The following SHROOM3 variants were observed in gnomAD, a reference collection of about 807,000 sequenced individuals.
SHROOM3 encodes protein Shroom3.
SHROOM3 carries 47 observed loss-of-function variants against 138.6 expected under a neutral mutation model. The observed-to-expected ratio is 0.34, with a 90% confidence interval of 0.27 to 0.43. SHROOM3 has a LOEUF of 0.43. Among genes scored for constraint, SHROOM3 ranks in the 20% least tolerant of loss-of-function variants. SHROOM3 has a pLI of 1.00. For missense variants in SHROOM3, 2,491 were observed against 2,596.5 expected (o/e 0.96, Z 0.88); for synonymous variants, 1,062 against 1,063.3 (o/e 1.00, Z 0.02).
At chr4:76,705,403 G>A (rs762359860) in intron 2 of SHROOM3, among the ~76,000 whole-genome samples, 66 of 152,304 alleles carry the variant, frequency 4.3e-4, no homozygotes, top group Non-Finnish European at 9.0e-4. Context: ...AGGCTGAGGT[G>A]GGAGGATCAC....
At chr4:76,546,324 T>C (rs1021166106) in intron 1 of SHROOM3, among the ~76,000 whole-genome samples, 3 of 152,192 alleles carry the variant, frequency 2.0e-5, no homozygotes, top group African/African-American at 7.2e-5. Context: ...AGTATAAATG[T>C]AATGATTTAG....
chr4:76,672,519 T>C (rs886120183), intron 2 of SHROOM3, among the ~76,000 whole-genome samples: 7 of 152,102 alleles, frequency 4.6e-5, no homozygotes, highest in African/African-American at 1.7e-4. Context: ...ACTTGAAACT[T>C]AGTTACTCCC....
In SHROOM3 at chr4:76,741,074, G is replaced by T; in HGVS notation, c.2901G>T (p.Gly967=). 6 of 1,532,092 alleles carry T rather than the reference G, an allele frequency of 3.9e-6. No individual in the cohort carries two copies. Among genetic ancestry groups the T allele is most frequent in the Non-Finnish European group, 5.3e-6 (6 of 1,140,516 alleles). 94.9% of individuals were successfully genotyped at this position (1,532,092 alleles called of 1,614,324 possible). A position where few individuals can be genotyped will look rare whatever the true frequency, so the allele number is the denominator to read the frequency against. ...CACGGCCTTCCTCGGCCCACGTGGGGCTGCGGAGCCCCGAGGCGTCGGCCT... is the reference window on the plus strand; with the variant it reads ...CACGGCCTTCCTCGGCCCACGTGGGTCTGCGGAGCCCCGAGGCGTCGGCCT... The part of the protein sequence containing the change: ...WRPRPSSAHV[G]LRSPEASASA... Residue 967 remains glycine (G), a synonymous_variant, in exon 5 of 11, where the codon GGG becomes GGT. Coordinates refer to ENST00000296043, the MANE Select transcript of SHROOM3 (RefSeq NM_020859.4). The surrounding 1 kb of genome is among the most constrained non-coding windows in gnomAD (Gnocchi z 6.2).
chr4:76,472,005 G>A (rs1347219800), intron 1 of SHROOM3, among the ~76,000 whole-genome samples: 1 of 152,106 alleles, frequency 6.6e-6, no homozygotes, highest in Non-Finnish European at 1.5e-5. Context: ...GCTTCTGTTT[G>A]TAAAAATGAA....
intron 2 of SHROOM3, among the ~76,000 whole-genome samples, chr4:76,703,097 A>C (rs1719949288): frequency 6.6e-6 from 1 of 152,232 alleles, no homozygotes; most frequent in African/African-American, 2.4e-5. Context: ...GTGCAAATGG[A>C]CAGAGGTTTG....
intron 1 of SHROOM3, among the ~76,000 whole-genome samples, chr4:76,466,427 G>A (rs1731250616): frequency 6.6e-6 from 1 of 152,198 alleles, no homozygotes; most frequent in South Asian, 2.1e-4. Context: ...AGATTTTATT[G>A]TTATTACTGA....
chr4:76,667,924 G>A (rs1352595951), intron 2 of SHROOM3, among the ~76,000 whole-genome samples: 4 of 128,784 alleles, frequency 3.1e-5, no homozygotes, highest in Admixed American at 1.9e-4. Flanking sequence ...GCCAAGGTGC[G>A]CCACTGCACT....
chr4:76,483,360 A>G (rs1431262038), intron 1 of SHROOM3, among the ~76,000 whole-genome samples: 1 of 152,246 alleles, frequency 6.6e-6, no homozygotes, highest in Non-Finnish European at 1.5e-5. Flanking sequence ...ATTTCTCAAA[A>G]GAAGACATTT....
intron 2 of SHROOM3, among the ~76,000 whole-genome samples, chr4:76,640,576 T>A (rs968634539): frequency 6.6e-6 from 1 of 152,244 alleles, no homozygotes; most frequent in African/African-American, 2.4e-5. Flanking sequence ...GACTTGCTAT[T>A]GAGGGACCAT....
chr4:76,534,374 C>T (rs1267544869), intron 1 of SHROOM3, among the ~76,000 whole-genome samples: 1 of 152,120 alleles, frequency 6.6e-6, no homozygotes, highest in African/African-American at 2.4e-5. Context: ...ATGGTCACAG[C>T]CTACTATGTG....
intron 2 of SHROOM3, among the ~76,000 whole-genome samples, chr4:76,655,443 C>A (rs1048497483): frequency 6.6e-6 from 1 of 152,146 alleles, no homozygotes; most frequent in Non-Finnish European, 1.5e-5. Context: ...TCATTTCTAT[C>A]CAAAAATATT....
Position 76,659,079 on chromosome 4 carries a change from T to A in SHROOM3, c.324-51077T>A, listed in dbSNP as rs1736128420. On this transcript the variant is annotated intron_variant, in intron 2 of 10. Transcript: ENST00000296043. ...AAAATGGACCTCATTCAGATCCCAT[T>A]CTTCCTTCTCGGTTGGTCCTCTAGC... Among the ~76,000 whole-genome samples the A allele has an allele frequency of 2.0e-5, 3 of 151,910 alleles. No individual in the cohort carries two copies. In the South Asian group the frequency reaches 6.2e-4, roughly 31 times the overall value.
At chr4:76,750,471 A>G (rs1721584774) in intron 6 of SHROOM3, among the ~76,000 whole-genome samples, 2 of 152,280 alleles carry the variant, frequency 1.3e-5, no homozygotes, top group African/African-American at 4.8e-5. Context: ...TTAAGTACAC[A>G]TGGACACAAA....
intron 2 of SHROOM3, among the ~76,000 whole-genome samples, chr4:76,570,708 T>C (rs934323958): frequency 3.9e-5 from 6 of 152,162 alleles, no homozygotes. Flanking sequence ...AATTTTAGGC[T>C]CTTTCAAGAA....
chr4:76,781,931 T>G lies in SHROOM3; in HGVS notation c.*2754T>G, dbSNP rs1486047440. 1 of 152,172 alleles carries G rather than the reference T, an allele frequency of 6.6e-6. No individual in the cohort carries two copies. Among genetic ancestry groups the G allele is most frequent in the Non-Finnish European group, 1.5e-5 (1 of 68,032 alleles). The allele number at this position is 152,172 out of a possible 1,614,324, so 9.4% of individuals were successfully genotyped here. A position where few individuals can be genotyped will look rare whatever the true frequency, so the allele number is the denominator to read the frequency against. Reference sequence around the variant, plus strand: ...CAGTCAATAATTGTCTTTGTGGATGTGATAATTTTGGAGATACACTTCTGG... The same window carrying G: ...CAGTCAATAATTGTCTTTGTGGATGGGATAATTTTGGAGATACACTTCTGG... On this transcript the variant is annotated 3_prime_UTR_variant, in exon 11 of 11. Transcript: ENST00000296043.
chr4:76,574,857 G>C (rs1408019421), intron 2 of SHROOM3, among the ~76,000 whole-genome samples: 1 of 152,182 alleles, frequency 6.6e-6, no homozygotes, highest in African/African-American at 2.4e-5. Flanking sequence ...AGTAGGTACA[G>C]AGTTTCAGTT....
In SHROOM3 at chr4:76,555,707, G is replaced by A. The variant is rs751839385; in HGVS notation, c.267G>A (p.Lys89=). The A allele has an allele frequency of 2.0e-5, 32 of 1,613,924 alleles. No homozygotes were observed. Among genetic ancestry groups the A allele is most frequent in the Middle Eastern group, 1.6e-4 (1 of 6,074 alleles). ...INEVTLSSSR[K]EAVSLVKGSY... is the part of the protein sequence containing the mutation. ...AGGTGACTCTGAGCAGCTCCAGAAA[G>A]GAGGCAGTTTCCCTGGTGAAAGGAT... is the stretch of plus-strand genomic sequence containing the variant. The change falls in exon 2 of 11, where the codon AAG becomes AAA. Residue 89 remains lysine, a synonymous_variant. Transcript: ENST00000296043.
rs185448381 is a variant in SHROOM3 at position 76,481,340 on chromosome 4, A to G, written c.168+45120A>G. ...GAAATGCAAACTACCATCAGAAAAT[A>G]CTATAAACACCTCTACACAAATAAA... On this transcript the variant is annotated intron_variant, in intron 1 of 10. Transcript: ENST00000296043. 7.1e-3 allele frequency among the ~76,000 whole-genome samples: 1,089 copies of G among 152,324 alleles called. 10 individuals are homozygous for G. The highest frequency in any genetic ancestry group is 0.024 in the Middle Eastern group (7 of 294).
At chr4:76,701,903 C>G (rs1209962633) in intron 2 of SHROOM3, among the ~76,000 whole-genome samples, 1 of 152,076 alleles carries the variant, frequency 6.6e-6, no homozygotes, top group African/African-American at 2.4e-5. Context: ...AATTTAGACC[C>G]TTAGACTCAT....
Sources: allele counts gnomAD v4.1 joint callset (sites outside exome capture counted in the v4.1 genomes callset), GRCh38; gene constraint gnomAD v4.1.1; non-coding constraint Gnocchi (gnomAD v3.1); transcripts MANE v1.5; gene names NCBI Gene and HGNC (gene_info 2026-07-23, HGNC 2026-07-21).